The following BBS9 variants were observed in gnomAD, a reference collection of about 807,000 sequenced individuals.
BBS9 encodes protein PTHB1.
Under a neutral mutation model 117.7 loss-of-function variants are expected in BBS9, and 89 were observed. The observed-to-expected ratio is 0.76, with a 90% CI of 0.64 to 0.90. The LOEUF is 0.90. Among genes scored for constraint, BBS9 ranks in the 40% least tolerant of loss-of-function variants. BBS9 has a pLI of 0.00. For synonymous variants in BBS9, 379 were observed against 370.9 expected (o/e 1.02, Z -0.25); for missense variants, 982 against 1,042.2 (o/e 0.94, Z 0.80).
intron 9 of BBS9, among the ~76,000 whole-genome samples, chr7:33,292,183 G>A (rs1562947208): frequency 6.6e-6 from 1 of 152,170 alleles, no homozygotes. Flanking sequence ...TGAATACCTT[G>A]CCTGTGGAAA....
intron 3 of BBS9, among the ~76,000 whole-genome samples, chr7:33,155,430 C>T (rs1414880001): frequency 6.6e-6 from 1 of 152,130 alleles, no homozygotes; most frequent in Admixed American, 6.5e-5. Flanking sequence ...GAAGGCAGTG[C>T]CTTGAGGCAG....
At chr7:33,371,694 G>A (rs1214872767) in intron 17 of BBS9, among the ~76,000 whole-genome samples, 1 of 151,908 alleles carries the variant, frequency 6.6e-6, no homozygotes, top group East Asian at 1.9e-4. Context: ...ATTTGTTAGT[G>A]GAGAGATAAA....
chr7:33,250,887 A>G (rs1234529693), intron 5 of BBS9, among the ~76,000 whole-genome samples: 1 of 152,220 alleles, frequency 6.6e-6, no homozygotes, highest in East Asian at 1.9e-4. Context: ...CCTTTGAGTT[A>G]GTCCAGGGCA....
intron 19 of BBS9, among the ~76,000 whole-genome samples, chr7:33,439,722 T>C (rs1835869935): frequency 6.6e-6 from 1 of 152,054 alleles, no homozygotes; most frequent in African/African-American, 2.4e-5. Flanking sequence ...AGAGACAGGG[T>C]TTCACCATGT....
chr7:33,264,332 G>T lies in BBS9; in HGVS notation c.660G>T (p.Gln220His). ...TTGCAACAGATGCAGATAAAAGGCA[G>T]GAGACTGAACAGCAAAAACTTGGTT... ...LAFATDADKR[Q>H]ETEQQKLGSG... The change falls in exon 7 of 23, where the codon CAG becomes CAT. Residue 220 changes from glutamine to histidine, a missense_variant. By Grantham distance (24) the Gln-to-His change is conservative. Transcript: ENST00000242067. The T allele has an allele frequency of 1.3e-6, 2 of 1,576,482 alleles. No individual in the cohort carries two copies. The highest frequency in any genetic ancestry group is 8.6e-7 in the Non-Finnish European group (1 of 1,160,740).
At chr7:33,495,806 T>G (rs1398011043) in intron 19 of BBS9, among the ~76,000 whole-genome samples, 2 of 152,196 alleles carry the variant, frequency 1.3e-5, no homozygotes, top group African/African-American at 4.8e-5. Flanking sequence ...TTTCAACTGA[T>G]TAAGTTACAT....
At chr7:33,175,319 A>T (rs372513873) in intron 4 of BBS9, among the ~76,000 whole-genome samples, 3 of 151,888 alleles carry the variant, frequency 2.0e-5, no homozygotes, top group African/African-American at 4.9e-5. Flanking sequence ...AAAATAAAAA[A>T]AAAAACAACA....
At chr7:33,193,576 A>G (rs77750800) in intron 5 of BBS9, among the ~76,000 whole-genome samples, 4,018 of 152,022 alleles carry the variant, frequency 0.026, 189 homozygotes, top group African/African-American at 0.092. Context: ...TTTCCTACCC[A>G]ATCAGAGAGG....
chr7:33,609,301 T>G (rs1864746363), downstream of BBS9, among the ~76,000 whole-genome samples: 2 of 152,144 alleles, frequency 1.3e-5, no homozygotes, highest in African/African-American at 4.8e-5. Context: ...TTATTTCAAA[T>G]CAGCAAGAAG....
chr7:33,578,691 G>A lies in BBS9; in HGVS notation c.2522-26174G>A, dbSNP rs115228574. On this transcript the variant is annotated intron_variant, in intron 21 of 22. Transcript: ENST00000242067. The stretch of plus-strand genomic sequence containing the variant: ...ACAAAAACAAAAACCAAGGTTTCAG[G>A]TAGGAATTTATGCTTTTACGTTGCA... Among the ~76,000 whole-genome samples the A allele has an allele frequency of 1.1e-3, 161 of 152,238 alleles. 2 individuals are homozygous for A. Among genetic ancestry groups the A allele is most frequent in the African/African-American group, 3.8e-3 (158 of 41,548 alleles).
At chr7:33,143,432 A>G (rs1791837673) in intron 1 of BBS9, among the ~76,000 whole-genome samples, 1 of 151,806 alleles carries the variant, frequency 6.6e-6, no homozygotes, top group Admixed American at 6.6e-5. Context: ...TAGGTCGAAT[A>G]TATTTTTGTT....
chr7:33,310,513 G>A (rs1040751186), intron 9 of BBS9, among the ~76,000 whole-genome samples: 1 of 152,112 alleles, frequency 6.6e-6, no homozygotes, highest in Admixed American at 6.6e-5. Context: ...CATCCAAATT[G>A]GGATATTTCT....
At chr7:33,134,215 A>ATTTTTTTTTTTTT (rs59609414) in intron 1 of BBS9, among the ~76,000 whole-genome samples, 5 of 118,052 alleles carry the variant, frequency 4.2e-5, no homozygotes, top group African/African-American at 1.0e-4. Context: ...ACGCCTGGCT[A>ATTTTTTTTTTTTT]TTTTTTTTTT....
chr7:33,487,057 A>C (rs1843211428), intron 19 of BBS9, among the ~76,000 whole-genome samples: 1 of 152,246 alleles, frequency 6.6e-6, no homozygotes, highest in African/African-American at 2.4e-5. Flanking sequence ...GAAGGAAAGC[A>C]AAAATTCTTT....
At chr7:33,440,842 T>C (rs1836063215) in intron 19 of BBS9, among the ~76,000 whole-genome samples, 1 of 152,178 alleles carries the variant, frequency 6.6e-6, no homozygotes. Context: ...TAATTTATAA[T>C]TTAATAAATG....
chr7:33,565,414 T>G (rs546523967), intron 21 of BBS9, among the ~76,000 whole-genome samples: 1 of 152,142 alleles, frequency 6.6e-6, no homozygotes, highest in Non-Finnish European at 1.5e-5. Flanking sequence ...GTGTACTGGC[T>G]GAAACATTTG....
intron 5 of BBS9, among the ~76,000 whole-genome samples, chr7:33,208,751 A>AG (rs1056336996): frequency 1.1e-4 from 16 of 152,126 alleles, no homozygotes; most frequent in African/African-American, 3.9e-4. Flanking sequence ...CTAGGAGGGT[A>AG]GGGGGAAGTG....
At chr7:33,185,780 TAAAC>T (rs1228835724) in intron 5 of BBS9, among the ~76,000 whole-genome samples, 1 of 152,224 alleles carries the variant, frequency 6.6e-6, no homozygotes, top group African/African-American at 2.4e-5. Context: ...ATAAAGGAAT[TAAAC>T]AAAACTAAAG....
intron 7 of BBS9, among the ~76,000 whole-genome samples, chr7:33,272,736 A>G (rs906826350): frequency 3.3e-5 from 5 of 152,112 alleles, no homozygotes; most frequent in Non-Finnish European, 7.4e-5. Flanking sequence ...TTTTCATGGA[A>G]GTTTTTTAGG....
Sources: allele counts gnomAD v4.1 joint callset (sites outside exome capture counted in the v4.1 genomes callset), GRCh38; gene constraint gnomAD v4.1.1; transcripts MANE v1.5; gene names NCBI Gene and HGNC (gene_info 2026-07-23, HGNC 2026-07-21).